The following KCNH1 variants were observed in gnomAD, a reference collection of about 807,000 sequenced individuals.
KCNH1 encodes the protein voltage-gated delayed rectifier potassium channel KCNH1.
In KCNH1, 27 loss-of-function variants were observed where a neutral mutation model predicts 69.2. That is an observed-to-expected ratio of 0.39 (90% CI 0.29 to 0.54). The LOEUF (loss-of-function observed/expected upper bound fraction) is 0.54. Ranked by LOEUF, KCNH1 falls within the 20% of genes least tolerant of loss-of-function variation. The probability of loss-of-function intolerance (pLI) is 0.68; values close to 1 mark genes in which losing one functional copy is unlikely to be tolerated. For missense variants in KCNH1, 798 were observed against 1,261.6 expected (o/e 0.63, Z 5.57); for synonymous variants, 456 against 487.7 (o/e 0.93, Z 0.86).
At chr1:210,894,503 T>C (rs1425815666) in intron 7 of KCNH1, among the ~76,000 whole-genome samples, 1 of 152,192 alleles carries the variant, frequency 6.6e-6, no homozygotes, top group African/African-American at 2.4e-5. Context: ...TAGTTATCTA[T>C]TGAAGGCTTG....
chr1:210,687,248 T>C (rs534038559), intron 10 of KCNH1, among the ~76,000 whole-genome samples: 57 of 152,280 alleles, frequency 3.7e-4, no homozygotes, highest in African/African-American at 1.3e-3. Flanking sequence ...GGAGGGGAAG[T>C]GGGAGTTCCT....
intron 10 of KCNH1, among the ~76,000 whole-genome samples, chr1:210,762,783 C>T (rs1364947246): frequency 6.6e-6 from 1 of 152,010 alleles, no homozygotes; most frequent in Admixed American, 6.5e-5. Flanking sequence ...CAGCCAAATT[C>T]GACCAGATAT....
At chr1:210,826,264 A>G (rs961650966) in intron 7 of KCNH1, among the ~76,000 whole-genome samples, 6 of 152,052 alleles carry the variant, frequency 3.9e-5, no homozygotes, top group African/African-American at 1.2e-4. Context: ...GATTCTCCAG[A>G]CCCATCATCA....
chr1:210,978,775 A>T (rs1464819048), intron 6 of KCNH1, among the ~76,000 whole-genome samples: 3 of 152,248 alleles, frequency 2.0e-5, no homozygotes, highest in Non-Finnish European at 4.4e-5. Context: ...ATGATTAGAC[A>T]GAGGATGTGA....
chr1:210,803,919 G>A (rs1684478464), intron 8 of KCNH1, 48 bp downstream of exon 8: 1 of 1,561,222 alleles, frequency 6.4e-7, no homozygotes, highest in Non-Finnish European at 8.8e-7. Context: ...AACCCTCCTA[G>A]GGAAACCAAA....
At chr1:210,688,872 G>C (rs1377640268) in intron 10 of KCNH1, among the ~76,000 whole-genome samples, 4 of 152,184 alleles carry the variant, frequency 2.6e-5, no homozygotes, top group Non-Finnish European at 5.9e-5. Flanking sequence ...GCCCAGCCCT[G>C]GTGATAGAAA....
intron 10 of KCNH1, among the ~76,000 whole-genome samples, chr1:210,690,269 CATTT>C (rs1197419491): frequency 6.6e-6 from 1 of 152,144 alleles, no homozygotes; most frequent in African/African-American, 2.4e-5. Context: ...GCCAAGCAAA[CATTT>C]ATTGAGCAAC....
At chr1:211,112,038 T>C (rs1395931524) in intron 1 of KCNH1, among the ~76,000 whole-genome samples, 2 of 140,682 alleles carry the variant, frequency 1.4e-5, no homozygotes, top group Non-Finnish European at 3.1e-5. Context: ...TCTGCCTGGC[T>C]ACTGCACCAT....
At chr1:210,935,090 T>C (rs1015021315) in intron 6 of KCNH1, among the ~76,000 whole-genome samples, 1 of 149,666 alleles carries the variant, frequency 6.7e-6, no homozygotes, top group Non-Finnish European at 1.5e-5. Flanking sequence ...TACCTTAGTG[T>C]CATCAACAGA....
At chr1:211,125,061 C>T (rs1428165113) in intron 1 of KCNH1, among the ~76,000 whole-genome samples, 1 of 152,190 alleles carries the variant, frequency 6.6e-6, no homozygotes, top group African/African-American at 2.4e-5. Context: ...TCTAACCCTA[C>T]CCAAACCCAA....
intron 6 of KCNH1, among the ~76,000 whole-genome samples, chr1:210,948,539 C>A (rs1382332650): frequency 3.3e-5 from 5 of 152,030 alleles, no homozygotes; most frequent in Non-Finnish European, 5.9e-5. Flanking sequence ...TAGAAAATAT[C>A]TAGATGGAGG....
intron 4 of KCNH1, among the ~76,000 whole-genome samples, chr1:211,085,910 A>G (rs1690943802): frequency 6.6e-6 from 1 of 152,192 alleles, no homozygotes; most frequent in African/African-American, 2.4e-5. Flanking sequence ...GAAATCAGAC[A>G]GTCATTTTCC....
chr1:210,888,439 G>A (rs932844260), intron 7 of KCNH1, among the ~76,000 whole-genome samples: 7 of 152,054 alleles, frequency 4.6e-5, no homozygotes, highest in Non-Finnish European at 1.0e-4. Context: ...AGCACTAAAC[G>A]CCCACAGGAG....
intron 7 of KCNH1, among the ~76,000 whole-genome samples, chr1:210,834,157 C>T (rs2102443562): frequency 6.6e-6 from 1 of 152,086 alleles, no homozygotes; most frequent in South Asian, 2.1e-4. Context: ...ACTAGAAATA[C>T]CATTTGACCC....
At chr1:211,050,869 G>A (rs1471543216) in intron 5 of KCNH1, among the ~76,000 whole-genome samples, 3 of 152,184 alleles carry the variant, frequency 2.0e-5, no homozygotes, top group African/African-American at 7.2e-5. Flanking sequence ...ACTGAACCAA[G>A]TGATTGCTTC....
intron 10 of KCNH1, among the ~76,000 whole-genome samples, chr1:210,693,311 A>G (rs973520283): frequency 1.3e-5 from 2 of 152,186 alleles, no homozygotes; most frequent in Non-Finnish European, 2.9e-5. Context: ...CACACTAAGC[A>G]TGGGTACATC....
chr1:210,853,423 CAG>C (rs1170718235), intron 7 of KCNH1, among the ~76,000 whole-genome samples: 2 of 152,206 alleles, frequency 1.3e-5, no homozygotes, highest in African/African-American at 4.8e-5. Flanking sequence ...AGATGATAAA[CAG>C]AGAGAGCTGG....
At chr1:210,867,431 C>A (rs1180154130) in intron 7 of KCNH1, among the ~76,000 whole-genome samples, 2 of 151,162 alleles carry the variant, frequency 1.3e-5, no homozygotes, top group African/African-American at 2.4e-5. Context: ...TATAGAAAAC[C>A]ACCCACAGAT....
chr1:210,869,413 G>A (rs541283919), intron 7 of KCNH1, among the ~76,000 whole-genome samples: 263 of 151,238 alleles, frequency 1.7e-3, no homozygotes, highest in Middle Eastern at 0.017. Flanking sequence ...AAAAGACCTT[G>A]TTTGTTAATT....
Sources: gnomAD v4.1 joint callset for allele counts (sites outside exome capture counted in the v4.1 genomes callset) on GRCh38, gnomAD v4.1.1 for gene constraint, MANE v1.5 for transcripts, NCBI Gene and HGNC (gene_info 2026-07-23, HGNC 2026-07-21) for gene names.